The following DACH2 variants were observed in gnomAD, a reference collection of about 807,000 sequenced individuals.
The protein encoded by DACH2 is dachshund homolog 2.
A neutral mutation model predicts 35.8 loss-of-function variants in DACH2; 17 were observed. The observed-to-expected ratio is 0.48, with a 90% CI of 0.33 to 0.71. The LOEUF is 0.71. Among genes scored for constraint, DACH2 ranks in the 30% least tolerant of loss-of-function variants. The probability of loss-of-function intolerance (pLI) is 0.02; values close to 1 mark genes in which losing one functional copy is unlikely to be tolerated. For missense variants in DACH2, 469 were observed against 472.7 expected (o/e 0.99, Z 0.07); for synonymous variants, 195 against 177.3 (o/e 1.10, Z -0.79).
At chrX:86,206,263 G>A (rs1334783766) in intron 1 of DACH2, among the ~76,000 whole-genome samples, 1 of 103,907 alleles carries the variant, frequency 9.6e-6, no homozygotes, top group African/African-American at 4.2e-5. Context: ...ATTTTCACTG[G>A]GGCATAGTCC....
intron 6 of DACH2, among the ~76,000 whole-genome samples, chrX:86,715,265 A>T (rs1424470438): frequency 3.6e-5 from 4 of 111,668 alleles, no homozygotes; most frequent in African/African-American, 1.3e-4. Flanking sequence ...AGATAATATG[A>T]GTAAAATATA....
chrX:86,524,603 A>G (rs1465639642), intron 3 of DACH2, among the ~76,000 whole-genome samples: 1 of 112,098 alleles, frequency 8.9e-6, no homozygotes, highest in Admixed American at 9.5e-5. Flanking sequence ...TTAGAACTAC[A>G]TTTATTATAT....
At chrX:86,304,411 T>C (rs2034636405) in intron 1 of DACH2, 1 of 112,604 alleles carries the variant, frequency 8.9e-6, no homozygotes, top group Non-Finnish European at 1.9e-5. Flanking sequence ...TTTGGTTCTC[T>C]CATCAGGTGT....
chrX:86,411,801 C>A (rs761755090), intron 2 of DACH2, among the ~76,000 whole-genome samples: 1 of 111,450 alleles, frequency 9.0e-6, no homozygotes, highest in Non-Finnish European at 1.9e-5. Flanking sequence ...TGATGACTAC[C>A]TTCTTCTACT....
chrX:86,504,807 T>A lies in DACH2; in HGVS notation c.528-9472T>A, dbSNP rs1000001647. Among the ~76,000 whole-genome samples the A allele has an allele frequency of 3.6e-5, 4 of 111,570 alleles. No individual in the cohort carries two copies. In the Admixed American group the frequency reaches 3.8e-4, roughly 11 times the overall value. ...CAGTCACCTGCTATAATCTATTGTGTCCTTGATGAAAATCATCTTTATTAG... is the reference window on the plus strand; with the variant it reads ...CAGTCACCTGCTATAATCTATTGTGACCTTGATGAAAATCATCTTTATTAG... On this transcript the variant is annotated intron_variant, in intron 2 of 11. Transcript: ENST00000373125.
chrX:86,821,809 A>G lies in DACH2; in HGVS notation c.1750+5710A>G, dbSNP rs371211571. 2.9e-4 allele frequency among the ~76,000 whole-genome samples: 32 copies of G among 111,812 alleles called. 1 individual carries two copies. The East Asian group carries it at 5.4e-3, about 19-fold the overall frequency. ...AACATACAATCTCATATACAGATCAAAGACGTGCAGTTCTAGCTACATGTT... is the reference window on the plus strand; with the variant it reads ...AACATACAATCTCATATACAGATCAGAGACGTGCAGTTCTAGCTACATGTT... On this transcript the variant is annotated intron_variant, in intron 11 of 11. Transcript: ENST00000373125.
intron 4 of DACH2, among the ~76,000 whole-genome samples, chrX:86,677,573 G>A (rs2040837027): frequency 8.9e-6 from 1 of 111,945 alleles, no homozygotes; most frequent in Admixed American, 9.5e-5. Context: ...ATTTGGAGGT[G>A]GATATTAGTC....
intron 1 of DACH2, among the ~76,000 whole-genome samples, chrX:86,347,319 C>A (rs1211351975): frequency 8.9e-6 from 1 of 112,522 alleles, no homozygotes; most frequent in African/African-American, 3.2e-5. Context: ...ATGAATTGCC[C>A]ACAACAGAAT....
chrX:86,326,284 G>A (rs781424805), intron 1 of DACH2, among the ~76,000 whole-genome samples: 7 of 110,006 alleles, frequency 6.4e-5, no homozygotes, highest in East Asian at 2.9e-4. Flanking sequence ...AGAGCAGCCC[G>A]GCCAACATGG....
At chrX:86,303,728 C>CTATATATATA (rs35224476) in intron 1 of DACH2, among the ~76,000 whole-genome samples, 1 of 105,983 alleles carries the variant, frequency 9.4e-6, no homozygotes, top group Non-Finnish European at 1.9e-5. Context: ...TGTGAACATA[C>CTATATATATA]TATATATATA....
At chrX:86,550,183 TTTGATA>T (rs901376907) in intron 3 of DACH2, among the ~76,000 whole-genome samples, 18 of 111,577 alleles carry the variant, frequency 1.6e-4, no homozygotes, top group Admixed American at 3.8e-4. Flanking sequence ...AAAGATGCAT[TTTGATA>T]TTTTTGAACT....
chrX:86,679,210 T>C lies in DACH2; in HGVS notation c.773-15811T>C, dbSNP rs755048983. Among the ~76,000 whole-genome samples, 8 of 112,151 alleles carry C rather than the reference T, an allele frequency of 7.1e-5. No homozygotes were observed. In the South Asian group the frequency reaches 3.0e-3, roughly 42 times the overall value. On this transcript the variant is annotated intron_variant, in intron 4 of 11. Coordinates refer to ENST00000373125, the MANE Select transcript of DACH2 (RefSeq NM_053281.3). ...TGAGTCATTAATCAACTTTGGAAGG[T>C]AATAATTGCTTGCTTTTAAGGCCTT...
chrX:86,348,237 T>G (rs1257588779), intron 1 of DACH2, among the ~76,000 whole-genome samples: 1 of 111,830 alleles, frequency 8.9e-6, no homozygotes, highest in East Asian at 2.8e-4. Flanking sequence ...CTCGGACTGT[T>G]GCAAAAATCT....
At position 86,357,499 on chromosome X, in the gene DACH2, T is replaced by C. The variant is rs1040407303; in HGVS notation, c.489-19325T>C. 2.7e-5 allele frequency among the ~76,000 whole-genome samples: 3 copies of C among 112,317 alleles called. No individual in the cohort carries two copies. The East Asian group carries it at 8.5e-4, about 32-fold the overall frequency. On this transcript the variant is annotated intron_variant, in intron 1 of 11. Transcript: ENST00000373125. The stretch of plus-strand genomic sequence containing the variant: ...CATAAGAAACATAGAGATAAATGTA[T>C]TCCTTACATAAGCTAGTGTAACTTT...
At chrX:86,698,528 T>TG (rs1417870284) in intron 5 of DACH2, among the ~76,000 whole-genome samples, 4 of 57,032 alleles carry the variant, frequency 7.0e-5, no homozygotes, top group African/African-American at 2.6e-4. Context: ...TGTGTTTTTT[T>TG]TTTTTTTTTT....
At position 86,420,256 on chromosome X, in the gene DACH2, G is replaced by A. The variant is rs557189533; in HGVS notation, c.527+43394G>A. ...CCAGATAAATAAGTAACTGCACTTT[G>A]TATGTTCTATATTTTATTATGCTCT... On this transcript the variant is annotated intron_variant, in intron 2 of 11. Coordinates refer to ENST00000373125, the MANE Select transcript of DACH2 (RefSeq NM_053281.3). 4.5e-5 allele frequency among the ~76,000 whole-genome samples: 5 copies of A among 112,085 alleles called. No individual in the cohort carries two copies. In the South Asian group the frequency reaches 1.1e-3, roughly 25 times the overall value.
At chrX:86,822,239 AG>A (rs1347355714) in intron 11 of DACH2, among the ~76,000 whole-genome samples, 3 of 112,342 alleles carry the variant, frequency 2.7e-5, no homozygotes, top group African/African-American at 9.7e-5. Flanking sequence ...TCATTTTCAT[AG>A]TACCTTAAAA....
intron 3 of DACH2, among the ~76,000 whole-genome samples, chrX:86,574,452 A>G (rs2039411168): frequency 9.0e-6 from 1 of 111,210 alleles, no homozygotes; most frequent in African/African-American, 3.3e-5. Flanking sequence ...CAAACCTAAA[A>G]GTTCACCTAT....
At chrX:86,452,240 A>T (rs1008452269) in intron 2 of DACH2, among the ~76,000 whole-genome samples, 1 of 111,687 alleles carries the variant, frequency 9.0e-6, no homozygotes, top group Admixed American at 9.5e-5. Context: ...GTATTTTATT[A>T]AGAATTTTTG....
Sources: gnomAD v4.1 joint callset for allele counts (sites outside exome capture counted in the v4.1 genomes callset) on GRCh38, gnomAD v4.1.1 for gene constraint, MANE v1.5 for transcripts, NCBI Gene and HGNC (gene_info 2026-07-23, HGNC 2026-07-21) for gene names.